The following ERBB4 variants were observed in gnomAD, a reference collection of about 807,000 sequenced individuals.
ERBB4 encodes receptor tyrosine-protein kinase erbB-4.
ERBB4 carries 42 observed loss-of-function variants against 158.0 expected under a neutral mutation model. The ratio of observed to expected loss-of-function variants is 0.27; its 90% CI spans 0.21 to 0.34. The LOEUF (loss-of-function observed/expected upper bound fraction) is 0.34, where lower values mean the gene tolerates loss of function less well. Ranked by LOEUF, ERBB4 falls within the 10% of genes least tolerant of loss-of-function variation. The pLI is 1.00. For missense variants in ERBB4, 1,333 were observed against 1,624.1 expected (o/e 0.82, Z 3.08); for synonymous variants, 583 against 558.7 (o/e 1.04, Z -0.61).
intron 16 of ERBB4, among the ~76,000 whole-genome samples, chr2:211,651,412 G>A (rs2070977583): frequency 1.3e-5 from 2 of 152,104 alleles, no homozygotes; most frequent in Admixed American, 6.6e-5. Flanking sequence ...AGGCAGATGT[G>A]CTAGACAGAA....
chr2:211,454,229 A>C (rs1183643331), intron 20 of ERBB4, among the ~76,000 whole-genome samples: 3 of 152,178 alleles, frequency 2.0e-5, no homozygotes, highest in Non-Finnish European at 2.9e-5. Flanking sequence ...GTATTGACTA[A>C]ATATGTGGAA....
intron 3 of ERBB4, among the ~76,000 whole-genome samples, chr2:211,901,134 C>A (rs1242164295): frequency 6.6e-6 from 1 of 152,114 alleles, no homozygotes; most frequent in Non-Finnish European, 1.5e-5. Context: ...AGAGCATAGG[C>A]TTCTCTCAAA....
chr2:212,446,720 A>G (rs1035516954), intron 1 of ERBB4, among the ~76,000 whole-genome samples: 3 of 145,124 alleles, frequency 2.1e-5, no homozygotes, highest in Non-Finnish European at 4.5e-5. Context: ...ATTATAAAGA[A>G]AAAGTAAAAT....
intron 1 of ERBB4, among the ~76,000 whole-genome samples, chr2:212,303,049 G>A (rs1037224954): frequency 6.6e-6 from 1 of 150,882 alleles, no homozygotes; most frequent in African/African-American, 2.4e-5. Flanking sequence ...GAGAAAGAAA[G>A]ACCTAAGTTT....
At chr2:211,598,259 T>C (rs1440206186) in intron 19 of ERBB4, among the ~76,000 whole-genome samples, 1 of 152,056 alleles carries the variant, frequency 6.6e-6, no homozygotes, top group African/African-American at 2.4e-5. Context: ...GATCATCAGC[T>C]TTTTGTGGTC....
chr2:211,515,912 A>ATATATACATATATATATTTTTTTTTT (rs35696520), intron 20 of ERBB4, among the ~76,000 whole-genome samples: 2 of 78,976 alleles, frequency 2.5e-5, no homozygotes, highest in East Asian at 6.6e-4. Flanking sequence ...ATATATATAT[A>ATATATACATATATATATTTTTTTTTT]TTTTTTTTTT....
intron 2 of ERBB4, among the ~76,000 whole-genome samples, chr2:211,987,870 C>T (rs1026013504): frequency 6.6e-6 from 1 of 152,114 alleles, no homozygotes; most frequent in South Asian, 2.1e-4. Context: ...TTTTTAATAT[C>T]TTGTCCATTT....
chr2:212,388,127 G>A (rs1255172269), intron 1 of ERBB4, among the ~76,000 whole-genome samples: 2 of 152,084 alleles, frequency 1.3e-5, no homozygotes, highest in Non-Finnish European at 2.9e-5. Flanking sequence ...CAGTTGAGGA[G>A]TAATCAGTAA....
chr2:212,038,013 G>A (rs2077054510), intron 2 of ERBB4, among the ~76,000 whole-genome samples: 2 of 152,000 alleles, frequency 1.3e-5, no homozygotes, highest in Non-Finnish European at 2.9e-5. Flanking sequence ...CTTTAATCAT[G>A]TATTTATTTA....
intron 20 of ERBB4, among the ~76,000 whole-genome samples, chr2:211,442,847 T>TA (rs2064018729): frequency 6.6e-6 from 1 of 152,050 alleles, no homozygotes; most frequent in Admixed American, 6.6e-5. Context: ...GAAAGCTATA[T>TA]TTTTTCGGCT....
chr2:212,451,326 T>G (rs1005052708), intron 1 of ERBB4, among the ~76,000 whole-genome samples: 2 of 152,248 alleles, frequency 1.3e-5, no homozygotes, highest in African/African-American at 4.8e-5. Context: ...CCATGTATCA[T>G]AATGTTGGAA....
chr2:212,474,022 T>C (rs946237379), intron 1 of ERBB4, among the ~76,000 whole-genome samples: 27 of 152,284 alleles, frequency 1.8e-4, no homozygotes, highest in Non-Finnish European at 3.2e-4. Flanking sequence ...AATTATACTT[T>C]GATAGTGAAA....
At chr2:211,562,769 C>CTTTTTTTTTTTTTTTTTTTTTTTTTTTT (rs367801279) in intron 19 of ERBB4, among the ~76,000 whole-genome samples, 8 of 125,708 alleles carry the variant, frequency 6.4e-5, no homozygotes, top group African/African-American at 1.1e-4. Flanking sequence ...ACTACTCCAA[C>CTTTTTTTTTTTTTTTTTTTTTTTTTTTT]TTTTTTTTTT....
chr2:212,460,244 C>A (rs1410126914), intron 1 of ERBB4, among the ~76,000 whole-genome samples: 2 of 152,072 alleles, frequency 1.3e-5, no homozygotes, highest in Non-Finnish European at 2.9e-5. Flanking sequence ...TCTTTATTAG[C>A]AGCATGAAAA....
intron 3 of ERBB4, among the ~76,000 whole-genome samples, chr2:211,894,312 C>G (rs980280921): frequency 2.0e-5 from 3 of 147,466 alleles, no homozygotes; most frequent in African/African-American, 5.1e-5. Flanking sequence ...ATCACAAGAA[C>G]AAAAAACCAA....
chr2:212,223,367 AAGAT>A (rs1045196946), intron 1 of ERBB4, among the ~76,000 whole-genome samples: 2 of 147,152 alleles, frequency 1.4e-5, no homozygotes, highest in Admixed American at 1.4e-4. Context: ...TCTTTTCAGC[AAGAT>A]AGATATATAC....
At chr2:211,424,388 C>T in intron 22 of ERBB4, 87 bp from the exon 23 acceptor site, 1 of 891,074 alleles carries the variant, frequency 1.1e-6, no homozygotes, top group East Asian at 2.6e-5. Context: ...AAGAATACTC[C>T]TTACAGGTCA....
At chr2:212,484,663 A>G (rs771373844) in intron 1 of ERBB4, among the ~76,000 whole-genome samples, 1 of 152,246 alleles carries the variant, frequency 6.6e-6, no homozygotes, top group Non-Finnish European at 1.5e-5. Flanking sequence ...GGAAAATAAA[A>G]GAAAACTGCC....
At chr2:211,995,552 G>C (rs113132692) in intron 2 of ERBB4, among the ~76,000 whole-genome samples, 4 of 152,270 alleles carry the variant, frequency 2.6e-5, no homozygotes, top group Admixed American at 2.6e-4. Context: ...TTACAGGTAT[G>C]AGCCACTGTG....
Sources: allele counts gnomAD v4.1 joint callset (sites outside exome capture counted in the v4.1 genomes callset), GRCh38; gene constraint gnomAD v4.1.1; transcripts MANE v1.5; gene names NCBI Gene and HGNC (gene_info 2026-07-23, HGNC 2026-07-21).